The following TBC1D5 variants were observed in gnomAD, a reference collection of about 807,000 sequenced individuals.
TBC1D5 encodes the protein TBC1 domain family member 5, also known as TBC1 domain family, member 5.
TBC1D5 carries 75 observed loss-of-function variants against 100.3 expected under a neutral mutation model. The observed-to-expected ratio is 0.75, with a 90% CI of 0.62 to 0.91. The LOEUF is 0.91. Among genes scored for constraint, TBC1D5 ranks in the 40% least tolerant of loss-of-function variants. The probability of loss-of-function intolerance (pLI) is 0.00; values close to 1 mark genes in which losing one functional copy is unlikely to be tolerated. For synonymous variants in TBC1D5, 323 were observed against 325.6 expected, an observed-to-expected ratio of 0.99 and a Z score of 0.09; for missense variants, 910 against 942.4, an observed-to-expected ratio of 0.97 and a Z score of 0.45.
chr3:17,302,786 C>T (rs911821493), intron 14 of TBC1D5, among the ~76,000 whole-genome samples: 9 of 152,114 alleles, frequency 5.9e-5, no homozygotes, highest in African/African-American at 2.2e-4. Flanking sequence ...TCTGAGCATC[C>T]TACAAAAGTA....
intron 1 of TBC1D5, among the ~76,000 whole-genome samples, chr3:17,695,232 A>G (rs2071834733): frequency 6.6e-6 from 1 of 152,222 alleles, no homozygotes; most frequent in Non-Finnish European, 1.5e-5. Flanking sequence ...ACAGGATCAA[A>G]TTCACACATA....
At chr3:17,492,039 C>A (rs540173928) in intron 3 of TBC1D5, among the ~76,000 whole-genome samples, 5 of 152,042 alleles carry the variant, frequency 3.3e-5, no homozygotes, top group Non-Finnish European at 7.4e-5. Flanking sequence ...TGTATGTGTA[C>A]AGGAATTTAT....
At chr3:17,646,577 CTTTCCAT>C (rs1269784280) in intron 1 of TBC1D5, among the ~76,000 whole-genome samples, 3 of 152,098 alleles carry the variant, frequency 2.0e-5, no homozygotes, top group Non-Finnish European at 4.4e-5. Context: ...ATCTGTCGAT[CTTTCCAT>C]TTTTACATCA....
chr3:17,493,364 C>T (rs1014448153), intron 3 of TBC1D5, among the ~76,000 whole-genome samples: 1 of 151,900 alleles, frequency 6.6e-6, no homozygotes, highest in Non-Finnish European at 1.5e-5. Flanking sequence ...CTCTGGCTGC[C>T]CTTAACACTT....
intron 2 of TBC1D5, among the ~76,000 whole-genome samples, chr3:17,583,740 C>A (rs1257800742): frequency 6.6e-6 from 1 of 151,948 alleles, no homozygotes; most frequent in African/African-American, 2.4e-5. Context: ...AAGTAGAACC[C>A]TCATACACTG....
chr3:17,323,610 T>C (rs2085711328), intron 13 of TBC1D5, among the ~76,000 whole-genome samples: 2 of 152,106 alleles, frequency 1.3e-5, no homozygotes, highest in Non-Finnish European at 2.9e-5. Flanking sequence ...CCCCATAAAA[T>C]ATTTAGGGAT....
intron 1 of TBC1D5, among the ~76,000 whole-genome samples, chr3:17,701,849 TC>T (rs1392249010): frequency 6.6e-6 from 1 of 151,366 alleles, no homozygotes; most frequent in Non-Finnish European, 1.5e-5. Flanking sequence ...ACTAGCTTTT[TC>T]TTTTTTTTTT....
At chr3:17,237,230 T>C (rs887794558) in intron 17 of TBC1D5, among the ~76,000 whole-genome samples, 5 of 152,166 alleles carry the variant, frequency 3.3e-5, no homozygotes, top group Non-Finnish European at 7.4e-5. Context: ...CCAAACTGCT[T>C]GTGAGGTCTT....
chr3:17,333,771 G>C, intron 13 of TBC1D5, among the ~76,000 whole-genome samples: 1 of 152,012 alleles, frequency 6.6e-6, no homozygotes, highest in East Asian at 1.9e-4. Flanking sequence ...TGTTTAAGAA[G>C]TCAGGAAATA....
intron 14 of TBC1D5, among the ~76,000 whole-genome samples, chr3:17,298,134 T>C (rs961256765): frequency 6.6e-6 from 1 of 152,210 alleles, no homozygotes; most frequent in Non-Finnish European, 1.5e-5. Flanking sequence ...TATCTGAAAA[T>C]AGACATACAT....
At chr3:17,467,227 T>A (rs1011983340) in intron 3 of TBC1D5, among the ~76,000 whole-genome samples, 3 of 151,476 alleles carry the variant, frequency 2.0e-5, no homozygotes, top group Non-Finnish European at 4.4e-5. Flanking sequence ...TCTGATTTTA[T>A]CAAGCAGAAT....
chr3:17,373,767 A>G (rs2092581094), intron 12 of TBC1D5, among the ~76,000 whole-genome samples: 1 of 152,138 alleles, frequency 6.6e-6, no homozygotes, highest in Non-Finnish European at 1.5e-5. Flanking sequence ...AGTGTATTAT[A>G]TGATTCCACT....
intron 3 of TBC1D5, among the ~76,000 whole-genome samples, chr3:17,489,376 G>A (rs192025226): frequency 1.8e-4 from 28 of 152,154 alleles, no homozygotes; most frequent in Admixed American, 7.9e-4. Context: ...ATGCAGTGAG[G>A]GATTGTTCCA....
At chr3:17,737,604 C>T (rs2077057511) in intron 1 of TBC1D5, among the ~76,000 whole-genome samples, 1 of 152,072 alleles carries the variant, frequency 6.6e-6, no homozygotes, top group Non-Finnish European at 1.5e-5. Flanking sequence ...CTAATACATG[C>T]ACTCATAGCA....
At chr3:17,538,925 G>C (rs2096315629) in intron 2 of TBC1D5, among the ~76,000 whole-genome samples, 1 of 152,158 alleles carries the variant, frequency 6.6e-6, no homozygotes, top group African/African-American at 2.4e-5. Context: ...ATCACACTTA[G>C]AATCCCAGTA....
intron 13 of TBC1D5, among the ~76,000 whole-genome samples, chr3:17,363,069 T>C (rs1274050545): frequency 6.6e-6 from 1 of 152,216 alleles, no homozygotes; most frequent in Non-Finnish European, 1.5e-5. Context: ...TCTGTTATTG[T>C]TTTCAATTAT....
intron 13 of TBC1D5, among the ~76,000 whole-genome samples, chr3:17,318,564 G>A (rs2084986108): frequency 6.6e-6 from 1 of 152,130 alleles, no homozygotes; most frequent in Non-Finnish European, 1.5e-5. Context: ...ACCCAAAGAA[G>A]CTGGGCAGGA....
chr3:17,567,855 T>C (rs2096602780), intron 2 of TBC1D5, among the ~76,000 whole-genome samples: 1 of 151,706 alleles, frequency 6.6e-6, no homozygotes, highest in Non-Finnish European at 1.5e-5. Flanking sequence ...ATAAACAAAA[T>C]ATACCTATAT....
At chr3:17,461,256 C>T (rs2095203395) in intron 3 of TBC1D5, among the ~76,000 whole-genome samples, 3 of 152,166 alleles carry the variant, frequency 2.0e-5, no homozygotes, top group African/African-American at 4.8e-5. Flanking sequence ...GTTTTCTTTA[C>T]ACACACATAT....
Sources: allele counts gnomAD v4.1 joint callset (sites outside exome capture counted in the v4.1 genomes callset), GRCh38; gene constraint gnomAD v4.1.1; transcripts MANE v1.5; gene names NCBI Gene and HGNC (gene_info 2026-07-23, HGNC 2026-07-21).